Variants in SEMA7A observed in about 807,000 individuals in gnomAD.
SEMA7A encodes the protein semaphorin 7A (JohnMiltonHagen blood group), also known as semaphorin-7A.
In SEMA7A, 21 loss-of-function variants were observed where a neutral mutation model predicts 67.5. The ratio of observed to expected loss-of-function variants is 0.31; its 90% CI spans 0.22 to 0.45. The LOEUF (loss-of-function observed/expected upper bound fraction) is 0.45. Among genes scored for constraint, SEMA7A ranks in the 20% least tolerant of loss-of-function variants. The pLI, the probability that SEMA7A is intolerant of heterozygous loss-of-function variation, is 1.00. For missense variants in SEMA7A, 774 were observed against 908.6 expected (o/e 0.85, Z 1.90); for synonymous variants, 364 against 368.5 (o/e 0.99, Z 0.14).
intron 1 of SEMA7A, among the ~76,000 whole-genome samples, chr15:74,421,390 A>AT (rs1319762664): frequency 6.6e-6 from 1 of 152,160 alleles, no homozygotes; most frequent in Non-Finnish European, 1.5e-5. Context: ...GGCCCGGACA[A>AT]TCCCATGCGG....
chr15:74,412,363 G>A (rs1261100247), intron 10 of SEMA7A, among the ~76,000 whole-genome samples: 12 of 152,262 alleles, frequency 7.9e-5, no homozygotes, highest in African/African-American at 2.6e-4. Flanking sequence ...AGCCCTGCGA[G>A]GTGGCTGTCA....
At chr15:74,429,947 T>G (rs2061073621) in intron 1 of SEMA7A, among the ~76,000 whole-genome samples, 1 of 152,044 alleles carries the variant, frequency 6.6e-6, no homozygotes, top group South Asian at 2.1e-4. Flanking sequence ...CCTCCCTGAT[T>G]GGGAAAATTG....
chr15:74,426,489 T>TG (rs891545099), intron 1 of SEMA7A, among the ~76,000 whole-genome samples: 26 of 152,230 alleles, frequency 1.7e-4, no homozygotes, highest in African/African-American at 6.3e-4. Context: ...ATGGAAGAGG[T>TG]GCTCTCCATC....
Position 74,417,662 on chromosome 15 carries a change from A to C in SEMA7A, c.479T>G (p.Val160Gly). Residue 160 changes from valine to glycine, a missense_variant, in exon 5 of 14, where the codon GTG (valine) becomes GGG (glycine). This residue lies in a region of SEMA7A where 347 missense variants were observed against 353.2 expected (regional missense o/e 0.98). Coordinates refer to ENST00000261918, the MANE Select transcript of SEMA7A (RefSeq NM_003612.5). ...GCCTCTCATCTCGCCAAGTGGCACC[A>C]CAGTGCCATTCACCTGTGGGAGATC... ...PSCWNLVNGT[V>G]VPLGEMRGYA... is the part of the protein sequence containing the mutation. 1 of 1,611,454 alleles carries C rather than the reference A, an allele frequency of 6.2e-7. No individual in the cohort carries two copies. Among genetic ancestry groups the C allele is most frequent in the South Asian group, 1.1e-5 (1 of 90,990 alleles).
Position 74,410,814 on chromosome 15 carries a change from G to A in SEMA7A, c.1811C>T (p.Thr604Met). ...GAAGTAGTGGCCGTACTGCTGCGCCGTGAGGTTCTCGATGAACAGGATGCA... is the reference window on the plus strand; with the variant it reads ...GAAGTAGTGGCCGTACTGCTGCGCCATGAGGTTCTCGATGAACAGGATGCA... ...PNCILFIENLTAQQYGHYFCE... is the reference protein window; with the variant it reads ...PNCILFIENLMAQQYGHYFCE... The change falls in exon 14 of 14, where the codon ACG becomes ATG. Residue 604 changes from threonine (T) to methionine (M), a missense_variant. By Grantham distance (81) the Thr-to-Met change is moderately conservative. Around this residue, in one of 2 missense-constraint regions of SEMA7A, gnomAD observed 427 missense variants for 555.4 expected, o/e 0.77. Transcript: ENST00000261918. This position sits in a 1 kb window ranked among gnomAD's most constrained non-coding sequence, Gnocchi z 7.5. 5 of 1,614,214 alleles carry A rather than the reference G, an allele frequency of 3.1e-6. No homozygotes were observed. The highest frequency in any genetic ancestry group is 3.4e-6 in the Non-Finnish European group (4 of 1,180,048).
At chr15:74,433,667 G>C in intron 1 of SEMA7A, 74 bp downstream of exon 1, 1 of 1,338,184 alleles carries the variant, frequency 7.5e-7, no homozygotes, top group Non-Finnish European at 9.5e-7. Context: ...CACTCCCTCC[G>C]GGTGCAGCAC....
rs1466955667 is a variant in SEMA7A, at chr15:74,414,089, T to C, written c.1294+458A>G. Among the ~76,000 whole-genome samples the C allele has an allele frequency of 6.6e-6, 1 of 152,194 alleles. No homozygotes were observed. The highest frequency in any genetic ancestry group is 1.5e-5 in the Non-Finnish European group (1 of 68,042). On this transcript the variant is annotated intron_variant, in intron 10 of 13. Transcript: ENST00000261918. This position sits in a 1 kb window ranked among gnomAD's most constrained non-coding sequence, Gnocchi z 4.1. The stretch of plus-strand genomic sequence containing the variant: ...CCTGGAACTCCTTCCTCATACCTAA[T>C]TTGTGCCCCATCAACTCCTCAAATG...
At chr15:74,420,646 C>T (rs1055535255) in intron 1 of SEMA7A, among the ~76,000 whole-genome samples, 3 of 152,166 alleles carry the variant, frequency 2.0e-5, no homozygotes, top group Admixed American at 1.3e-4. Context: ...GGGTGCTGCC[C>T]TGCTCCCCCT....
rs1437972147 is a variant in SEMA7A, at chr15:74,414,295, C to T, written c.1294+252G>A. Among the ~76,000 whole-genome samples, 1 of 152,182 alleles carries T rather than the reference C, an allele frequency of 6.6e-6. No individual in the cohort carries two copies. The highest frequency in any genetic ancestry group is 1.5e-5 in the Non-Finnish European group (1 of 68,042). ...AGGTGCACCTGGCTTTGCTCAGACT[C>T]TCCAGATTTCCGCCTCCAAATCCCA... On this transcript the variant is annotated intron_variant, in intron 10 of 13. Coordinates refer to ENST00000261918, the MANE Select transcript of SEMA7A (RefSeq NM_003612.5). This position sits in a 1 kb window ranked among gnomAD's most constrained non-coding sequence, Gnocchi z 4.1.
intron 7 of SEMA7A, 65 bp downstream of exon 7, chr15:74,416,510 C>G: frequency 1.3e-6 from 2 of 1,542,000 alleles, no homozygotes; most frequent in Non-Finnish European, 1.8e-6. Context: ...ACACACAGAA[C>G]TCACCCTCAC....
In SEMA7A at chr15:74,417,366, A is replaced by G; in HGVS notation, c.630T>C (p.Ser210=). Residue 210 remains serine (S), a synonymous_variant, in exon 6 of 14, where the codon AGT becomes AGC. Coordinates refer to ENST00000261918, the MANE Select transcript of SEMA7A (RefSeq NM_003612.5). The part of the protein sequence containing the change: ...IPRFRRIRGE[S]ELYTSDTVMQ... ...TGACAGTATCACTGGTGTACAGCTC[A>G]CTCTCGCCCCGGATGCGGCGGAACC... 6.2e-7 allele frequency: 1 copy of G among 1,613,076 alleles called. No homozygotes were observed. The highest frequency in any genetic ancestry group is 8.5e-7 in the Non-Finnish European group (1 of 1,179,668).
Position 74,427,218 on chromosome 15 carries a change from T to G in SEMA7A, c.178+6523A>C, listed in dbSNP as rs901327967. 7.1e-6 allele frequency: 7 copies of G among 985,324 alleles called. No homozygotes were observed. In the African/African-American group the frequency reaches 1.2e-4, roughly 17 times the overall value. The allele number at this position is 985,324 out of a possible 1,614,324, so 61.0% of individuals were successfully genotyped here. ...TCAGATCATGCTGTCTGATGGGATT[T>G]CATCTGGCCTATGGGGCCCTGAAGG... On this transcript the variant is annotated intron_variant, in intron 1 of 13. Transcript: ENST00000261918.
chr15:74,417,228 C>A, intron 6 of SEMA7A, 107 bp downstream of exon 6: 1 of 860,576 alleles, frequency 1.2e-6, no homozygotes, highest in South Asian at 1.5e-5. Flanking sequence ...TCCTGCATGG[C>A]CCCAGCGGCC....
chr15:74,418,545 C>A (rs1290237243), intron 2 of SEMA7A, among the ~76,000 whole-genome samples: 1 of 152,226 alleles, frequency 6.6e-6, no homozygotes, highest in Non-Finnish European at 1.5e-5. Context: ...GGCCCAGCTT[C>A]CAGCCTGGGC....
rs545405901 is a variant in SEMA7A at position 74,416,915 on chromosome 15, C to T, written c.662-201G>A. On this transcript the variant is annotated intron_variant, in intron 6 of 13. Transcript: ENST00000261918. ...CACCCCACACCTGTTTTGCCCTCTTCCTACAAAGATGTCATCGGCCCAGGA... is the reference window on the plus strand; with the variant it reads ...CACCCCACACCTGTTTTGCCCTCTTTCTACAAAGATGTCATCGGCCCAGGA... Among the ~76,000 whole-genome samples, 73 of 152,316 alleles carry T rather than the reference C, an allele frequency of 4.8e-4. No individual in the cohort carries two copies. The South Asian group carries it at 0.014, about 29-fold the overall frequency.
At chr15:74,415,645 G>A (rs1336260528) in intron 8 of SEMA7A, among the ~76,000 whole-genome samples, 156 bp downstream of exon 8, 1 of 152,052 alleles carries the variant, frequency 6.6e-6, no homozygotes, top group Non-Finnish European at 1.5e-5. Context: ...CGCACTGGCT[G>A]TCCCCCCACC....
At position 74,416,628 on chromosome 15, in the gene SEMA7A, C is replaced by T. The variant is rs771064266; in HGVS notation, c.748G>A (p.Asp250Asn). The change falls in exon 7 of 14, where the codon GAC becomes AAC. Residue 250 changes from aspartate to asparagine, a missense_variant. Physicochemically the swap from Asp to Asn is conservative, Grantham distance 23 (BLOSUM62 1). Around this residue, in one of 2 missense-constraint regions of SEMA7A, gnomAD observed 427 missense variants for 555.4 expected, o/e 0.77. Coordinates refer to ENST00000261918, the MANE Select transcript of SEMA7A (RefSeq NM_003612.5). ...IYYFFREDNPDKNPEAPLNVS... is the reference protein window; with the variant it reads ...IYYFFREDNPNKNPEAPLNVS... ...TTGAGAGGAGCCTCAGGATTCTTGTCAGGATTGTCCTCTCGGAAGAAGTAG... is the reference window on the plus strand; with the variant it reads ...TTGAGAGGAGCCTCAGGATTCTTGTTAGGATTGTCCTCTCGGAAGAAGTAG... The T allele has an allele frequency of 6.2e-7, 1 of 1,614,120 alleles. No individual in the cohort carries two copies. Among genetic ancestry groups the T allele is most frequent in the East Asian group, 2.2e-5 (1 of 44,884 alleles).
chr15:74,411,190 T>C lies in SEMA7A; in HGVS notation c.1639+105A>G. The C allele has an allele frequency of 7.2e-7, 1 of 1,383,240 alleles. No homozygotes were observed. The highest frequency in any genetic ancestry group is 9.9e-7 in the Non-Finnish European group (1 of 1,010,196). 85.7% of individuals were successfully genotyped at this position (1,383,240 alleles called of 1,614,324 possible). On this transcript the variant is annotated intron_variant, in intron 13 of 13. Coordinates refer to ENST00000261918, the MANE Select transcript of SEMA7A (RefSeq NM_003612.5). The surrounding 1 kb of genome is among the most constrained non-coding windows in gnomAD (Gnocchi z 4.4). ...AGGACTGTATCCTGCCCCATGTACC[T>C]GGGGCCCACAGGACAAGGCCATGTC...
intron 1 of SEMA7A, among the ~76,000 whole-genome samples, chr15:74,429,522 T>C (rs530653728): frequency 6.6e-6 from 1 of 152,316 alleles, no homozygotes; most frequent in East Asian, 1.9e-4. Flanking sequence ...TGTCCTGCGG[T>C]CAGGAGTCAA....
Sources: gnomAD v4.1 joint callset for allele counts (sites outside exome capture counted in the v4.1 genomes callset) on GRCh38, gnomAD v4.1.1 for gene constraint, gnomAD v4.1.1 regional missense constraint, Gnocchi (gnomAD v3.1) non-coding constraint, MANE v1.5 for transcripts, NCBI Gene and HGNC (gene_info 2026-07-23, HGNC 2026-07-21) for gene names.